CACNA2D3: variants seen among roughly 807,000 people sequenced by gnomAD.
The protein encoded by CACNA2D3 is calcium voltage-gated channel auxiliary subunit alpha2delta 3.
CACNA2D3 carries 60 observed loss-of-function variants against 160.6 expected under a neutral mutation model. The ratio of observed to expected loss-of-function variants is 0.37; its 90% CI spans 0.30 to 0.46. The LOEUF is 0.46. Among genes scored for constraint, CACNA2D3 ranks in the 20% least tolerant of loss-of-function variants. The pLI is 1.00. For synonymous variants in CACNA2D3, 558 were observed against 492.9 expected (o/e 1.13, Z -1.75); for missense variants, 1,205 against 1,365.0 (o/e 0.88, Z 1.85).
At chr3:54,821,667 T>C (rs1342578859) in intron 14 of CACNA2D3, among the ~76,000 whole-genome samples, 1 of 115,712 alleles carries the variant, frequency 8.6e-6, no homozygotes, top group Non-Finnish European at 1.9e-5. Flanking sequence ...TTTCTTTCTT[T>C]CTTTCTTTCT....
chr3:54,390,563 A>G (rs1699261880), intron 4 of CACNA2D3, among the ~76,000 whole-genome samples: 1 of 152,232 alleles, frequency 6.6e-6, no homozygotes, highest in Non-Finnish European at 1.5e-5. Context: ...AATGCCATTC[A>G]CACTGGTGCT....
chr3:54,230,924 C>T (rs181796706), intron 2 of CACNA2D3, among the ~76,000 whole-genome samples: 2 of 152,158 alleles, frequency 1.3e-5, no homozygotes, highest in South Asian at 2.1e-4. Flanking sequence ...TCTTTTTAAT[C>T]GTGTAAATGG....
intron 4 of CACNA2D3, among the ~76,000 whole-genome samples, chr3:54,462,218 AGGTGT>A (rs1700519664): frequency 6.6e-6 from 1 of 152,148 alleles, no homozygotes; most frequent in Non-Finnish European, 1.5e-5. Context: ...ATTTTGGAAT[AGGTGT>A]GGTGTGGTGC....
At chr3:54,326,846 C>G (rs1170309685) in intron 3 of CACNA2D3, among the ~76,000 whole-genome samples, 1 of 152,150 alleles carries the variant, frequency 6.6e-6, no homozygotes, top group Non-Finnish European at 1.5e-5. Flanking sequence ...AAGAGCAGTA[C>G]ATTTGTTTCA....
intron 2 of CACNA2D3, among the ~76,000 whole-genome samples, chr3:54,242,064 C>G (rs1292162709): frequency 6.6e-6 from 1 of 152,104 alleles, no homozygotes; most frequent in African/African-American, 2.4e-5. Context: ...TACATACATA[C>G]ATACTCATGA....
chr3:55,073,359 T>TG, intron 35 of CACNA2D3, 86 bp from the exon 36 acceptor site: 1 of 942,926 alleles, frequency 1.1e-6, no homozygotes, highest in South Asian at 1.4e-5. Flanking sequence ...ATATGGTAGT[T>TG]GCTACCACCC....
At chr3:54,883,285 G>A (rs1699844550) in intron 21 of CACNA2D3, among the ~76,000 whole-genome samples, 1 of 152,202 alleles carries the variant, frequency 6.6e-6, no homozygotes, top group African/African-American at 2.4e-5. Flanking sequence ...GCCTCCGAAA[G>A]TGCTGGGGTT....
At chr3:54,463,567 G>C (rs572417670) in intron 4 of CACNA2D3, among the ~76,000 whole-genome samples, 1 of 151,638 alleles carries the variant, frequency 6.6e-6, no homozygotes. Flanking sequence ...TGATCGCATC[G>C]GCTCCTGAGG....
chr3:54,760,790 C>T (rs116190355), intron 12 of CACNA2D3, among the ~76,000 whole-genome samples: 1 of 152,162 alleles, frequency 6.6e-6, no homozygotes, highest in Admixed American at 6.5e-5. Flanking sequence ...GTTTTGGCCT[C>T]TCTGGGAAGT....
intron 5 of CACNA2D3, among the ~76,000 whole-genome samples, chr3:54,540,369 T>C (rs1462211026): frequency 6.6e-6 from 1 of 152,198 alleles, no homozygotes; most frequent in African/African-American, 2.4e-5. Context: ...TTAAAAATAA[T>C]TGAAGTACCA....
At chr3:54,442,550 C>T (rs536002284) in intron 4 of CACNA2D3, among the ~76,000 whole-genome samples, 2 of 152,266 alleles carry the variant, frequency 1.3e-5, no homozygotes, top group African/African-American at 4.8e-5. Context: ...TTGAGAAAAA[C>T]AAAGATCTTA....
chr3:54,713,853 T>C (rs1014395435), intron 11 of CACNA2D3, among the ~76,000 whole-genome samples: 3 of 152,254 alleles, frequency 2.0e-5, no homozygotes, highest in Non-Finnish European at 2.9e-5. Flanking sequence ...AATCTTAGCC[T>C]GAATGTTTAT....
intron 14 of CACNA2D3, among the ~76,000 whole-genome samples, chr3:54,817,484 G>A (rs1004496464): frequency 6.6e-6 from 1 of 152,160 alleles, no homozygotes; most frequent in Non-Finnish European, 1.5e-5. Context: ...TGGCTTTGCT[G>A]TGTCACCCTC....
intron 11 of CACNA2D3, among the ~76,000 whole-genome samples, chr3:54,702,729 T>G (rs1482444249): frequency 1.3e-5 from 2 of 152,180 alleles, no homozygotes; most frequent in Non-Finnish European, 1.5e-5. Flanking sequence ...GCAATCAAAG[T>G]ACTGAAAGTA....
chr3:54,590,979 T>G (rs1345741028), intron 9 of CACNA2D3, among the ~76,000 whole-genome samples: 1 of 152,168 alleles, frequency 6.6e-6, no homozygotes, highest in African/African-American at 2.4e-5. Flanking sequence ...TGTCTTTTTA[T>G]TTGGAGAAAA....
intron 5 of CACNA2D3, among the ~76,000 whole-genome samples, chr3:54,507,468 G>T (rs28507696): frequency 6.6e-6 from 1 of 151,990 alleles, no homozygotes; most frequent in East Asian, 1.9e-4. Context: ...GCAGCCTTGT[G>T]CCCCCTTTAC....
At chr3:54,554,092 C>T (rs1369714260) in intron 5 of CACNA2D3, among the ~76,000 whole-genome samples, 1 of 152,140 alleles carries the variant, frequency 6.6e-6, no homozygotes, top group Admixed American at 6.5e-5. Flanking sequence ...CTTATTCACT[C>T]TGTGTACAAA....
chr3:54,718,399 A>G (rs1701102814), intron 11 of CACNA2D3, among the ~76,000 whole-genome samples: 1 of 152,172 alleles, frequency 6.6e-6, no homozygotes, highest in Non-Finnish European at 1.5e-5. Flanking sequence ...ATTAAAATCC[A>G]TCTGGAATTA....
intron 4 of CACNA2D3, among the ~76,000 whole-genome samples, chr3:54,403,401 A>G (rs575267676): frequency 2.8e-4 from 43 of 151,154 alleles, no homozygotes; most frequent in Admixed American, 2.1e-3. Context: ...ACACACACGC[A>G]CACACAATAA....
Sources: gnomAD v4.1 joint callset for allele counts (sites outside exome capture counted in the v4.1 genomes callset) on GRCh38, gnomAD v4.1.1 for gene constraint, MANE v1.5 for transcripts, NCBI Gene and HGNC (gene_info 2026-07-23, HGNC 2026-07-21) for gene names.